Variants in MYH8 observed in about 807,000 individuals in gnomAD.
MYH8 encodes the protein myosin-8.
Under a neutral mutation model 233.2 loss-of-function variants are expected in MYH8, and 168 were observed. The ratio of observed to expected loss-of-function variants is 0.72; its 90% CI spans 0.64 to 0.82. MYH8 has a LOEUF of 0.82. Ranked by LOEUF, MYH8 falls within the 40% of genes least tolerant of loss-of-function variation. The pLI, the probability that MYH8 is intolerant of heterozygous loss-of-function variation, is 0.00. For missense variants in MYH8, 1,995 were observed against 2,327.8 expected (o/e 0.86, Z 2.94); for synonymous variants, 785 against 850.6 (o/e 0.92, Z 1.34).
intron 38 of MYH8, 127 bp from the exon 39 acceptor site, chr17:10,392,104 C>T: frequency 8.8e-6 from 7 of 793,378 alleles, no homozygotes; most frequent in Non-Finnish European, 1.6e-5. Context: ...CTGAGATTTT[C>T]TTCATAGAAT....
chr17:10,412,565 A>G (rs1253634564), intron 13 of MYH8, 45 bp downstream of exon 13: 1 of 1,614,232 alleles, frequency 6.2e-7, no homozygotes, highest in South Asian at 1.1e-5. Flanking sequence ...AAGACATGCC[A>G]TGAAGGCCTG....
At position 10,415,411 on chromosome 17, in the gene MYH8, T is replaced by A; in HGVS notation, c.649-27A>T. The stretch of plus-strand genomic sequence containing the variant: ...TGCAAAGGAAGGAGCAGTTCTCACA[T>A]CTGGGACTCCAGATGTCTGAGAGCC... On this transcript the variant is annotated intron_variant, in intron 7 of 39. Transcript: ENST00000403437. The surrounding 1 kb of genome is among the most constrained non-coding windows in gnomAD (Gnocchi z 4.1). 1.2e-6 allele frequency: 2 copies of A among 1,613,522 alleles called. No individual in the cohort carries two copies. Among genetic ancestry groups the A allele is most frequent in the African/African-American group, 1.3e-5 (1 of 75,042 alleles).
chr17:10,408,936 C>A (rs146346664), intron 17 of MYH8, among the ~76,000 whole-genome samples, 161 bp downstream of exon 17: 3 of 152,144 alleles, frequency 2.0e-5, no homozygotes, highest in African/African-American at 7.2e-5. Context: ...GTAAAGCATC[C>A]GTTCCTACAG....
intron 15 of MYH8, among the ~76,000 whole-genome samples, chr17:10,410,286 G>C (rs1168016115): frequency 2.0e-5 from 3 of 152,212 alleles, no homozygotes; most frequent in Non-Finnish European, 4.4e-5. Context: ...CTGGGCGACA[G>C]AGTGAGGCCC....
At chr17:10,406,552 T>G in intron 19 of MYH8, 138 bp downstream of exon 19, 1 of 1,363,170 alleles carries the variant, frequency 7.3e-7, no homozygotes, top group Non-Finnish European at 1.0e-6. Flanking sequence ...AATATGATTT[T>G]CTGTTGCATG....
chr17:10,406,505 G>T (rs538017638), intron 19 of MYH8, 108 bp from the exon 20 acceptor site: 1 of 1,541,292 alleles, frequency 6.5e-7, no homozygotes, highest in South Asian at 1.1e-5. Flanking sequence ...AATAAAAGTG[G>T]AAAATCCAAC....
intron 33 of MYH8, 32 bp from the exon 34 acceptor site, chr17:10,395,473 G>A (rs1007813995): frequency 1.9e-6 from 3 of 1,607,900 alleles, no homozygotes; most frequent in Non-Finnish European, 2.6e-6. Flanking sequence ...TAATAATGGA[G>A]AAGAACCTGA....
chr17:10,414,469 G>T lies in MYH8; in HGVS notation c.821C>A (p.Ser274Tyr), dbSNP rs755435554. ...CGCCTTTAGCTGGAAAGTAACTCTG[G>T]ACTTTTCTAAAAGATCTGGAGAGGG... ...ADIETYLLEKSRVTFQLKAER... is the reference protein window; with the variant it reads ...ADIETYLLEKYRVTFQLKAER... The change falls in exon 10 of 40, where the codon TCC becomes TAC. Residue 274 changes from serine to tyrosine, a missense_variant. Around this residue, in one of 3 missense-constraint regions of MYH8, gnomAD observed 479 missense variants for 600.9 expected, o/e 0.80. Coordinates refer to ENST00000403437, the MANE Select transcript of MYH8 (RefSeq NM_002472.3). The T allele has an allele frequency of 5.6e-6, 9 of 1,610,236 alleles. No homozygotes were observed. The South Asian group carries it at 6.6e-5, about 12-fold the overall frequency.
In MYH8 at chr17:10,396,935, C is replaced by T; in HGVS notation, c.4230G>A (p.Val1410=). Residue 1410 remains valine, a synonymous_variant, in exon 31 of 40, where the codon GTG becomes GTA. Coordinates refer to ENST00000403437, the MANE Select transcript of MYH8 (RefSeq NM_002472.3). This position sits in a 1 kb window ranked among gnomAD's most constrained non-coding sequence, Gnocchi z 4.2. ...LQEAEEHVEA[V]NAKCASLEKT... ...TCTCAAGGGAAGCACATTTGGCGTT[C>T]ACAGCTTCTACATGTTCCTCAGCTT... 1.2e-6 allele frequency: 2 copies of T among 1,614,246 alleles called. No individual in the cohort carries two copies. The highest frequency in any genetic ancestry group is 1.7e-6 in the Non-Finnish European group (2 of 1,180,052).
Position 10,398,854 on chromosome 17 carries a change from C to A in MYH8, c.3895G>T (p.Ala1299Ser). The A allele has an allele frequency of 1.2e-6, 2 of 1,613,440 alleles. No individual in the cohort carries two copies. The highest frequency in any genetic ancestry group is 8.5e-7 in the Non-Finnish European group (1 of 1,179,988). ...EYSRQLDEKD[A>S]LVSQLSRSKQ... is the part of the protein sequence containing the mutation. ...CTCCTTGAAAGCTGAGAGACTAAAG[C>A]ATCTTTCTCATCTAATTGTCGAGAA... The change falls in exon 29 of 40, where the codon GCT becomes TCT. Residue 1299 changes from alanine to serine, a missense_variant. This residue lies in a region of MYH8 where 1,498 missense variants were observed against 1,680.9 expected (regional missense o/e 0.89). Transcript: ENST00000403437.
Position 10,391,949 on chromosome 17 carries a change from C to T in MYH8, c.5597G>A (p.Arg1866Lys). 5 of 1,614,160 alleles carry T rather than the reference C, an allele frequency of 3.1e-6. No individual in the cohort carries two copies. The highest frequency in any genetic ancestry group is 4.2e-6 in the Non-Finnish European group (5 of 1,180,032). ...TAATTTATCTACCAAGTCCTGCAGC[C>T]TGAGAACATTCTTGCGATCTTCTTC... ...QTEEDRKNVL[R>K]LQDLVDKLQA... is the part of the protein sequence containing the mutation. The change falls in exon 39 of 40, where the codon AGG (arginine) becomes AAG (lysine). Residue 1866 changes from arginine to lysine, a missense_variant. Physicochemically the swap from Arg to Lys is conservative, Grantham distance 26 (BLOSUM62 2). This residue lies in a region of MYH8 where 1,498 missense variants were observed against 1,680.9 expected (regional missense o/e 0.89). Coordinates refer to ENST00000403437, the MANE Select transcript of MYH8 (RefSeq NM_002472.3).
intron 28 of MYH8, 117 bp from the exon 29 acceptor site, chr17:10,399,003 T>TA: frequency 3.5e-6 from 1 of 282,840 alleles, no homozygotes; most frequent in Non-Finnish European, 6.3e-6. Flanking sequence ...TGTATATATA[T>TA]ATATATATAT....
rs774775779 is a variant in MYH8, at chr17:10,396,681, T to C, written c.4400A>G (p.Gln1467Arg). ...SEWKQKYEETQAELEASQKES... is the reference protein window; with the variant it reads ...SEWKQKYEETRAELEASQKES... ...CTTCTGGGAGGCCTCAAGTTCAGCC[T>C]GAGTTTCCTCATACTTCTGCTTCCA... is the stretch of plus-strand genomic sequence containing the variant. Residue 1467 changes from glutamine to arginine, a missense_variant, in exon 32 of 40, where the codon CAG becomes CGG. Physicochemically the swap from Gln to Arg is conservative, Grantham distance 43. Coordinates refer to ENST00000403437, the MANE Select transcript of MYH8 (RefSeq NM_002472.3). This position sits in a 1 kb window ranked among gnomAD's most constrained non-coding sequence, Gnocchi z 4.2. The C allele has an allele frequency of 6.2e-7, 1 of 1,614,246 alleles. No individual in the cohort carries two copies. The highest frequency in any genetic ancestry group is 8.5e-7 in the Non-Finnish European group (1 of 1,180,052).
At position 10,395,405 on chromosome 17, in the gene MYH8, T is replaced by G; in HGVS notation, c.4690A>C (p.Ile1564Leu). 6.2e-7 allele frequency: 1 copy of G among 1,614,164 alleles called. No homozygotes were observed. The change falls in exon 34 of 40, where the codon ATC (isoleucine) becomes CTC (leucine). Residue 1564 changes from isoleucine to leucine, a missense_variant. Ile to Leu is a conservative substitution (Grantham distance 5). This residue lies in a region of MYH8 where 1,498 missense variants were observed against 1,680.9 expected (regional missense o/e 0.89). Coordinates refer to ENST00000403437, the MANE Select transcript of MYH8 (RefSeq NM_002472.3). Reference sequence around the variant, plus strand: ...TTGACTTGGTTTAACTCAAGCTGGATACGCAGAATCTTTCCTTCTTCATGT... The same window carrying G: ...TTGACTTGGTTTAACTCAAGCTGGAGACGCAGAATCTTTCCTTCTTCATGT... The part of the protein sequence containing the change: ...LEHEEGKILR[I>L]QLELNQVKSE...
In MYH8 at chr17:10,392,013, G is replaced by A. The variant is rs780086806; in HGVS notation, c.5569-36C>T. 2.3e-5 allele frequency: 36 copies of A among 1,547,442 alleles called. 1 individual carries two copies. The East Asian group carries it at 2.5e-4, about 11-fold the overall frequency. Reference sequence around the variant, plus strand: ...GAAAAAAATAATCTGCATTCATTCCGAAGAGATAAGGCTACTCTGGGTACT... The same window carrying A: ...GAAAAAAATAATCTGCATTCATTCCAAAGAGATAAGGCTACTCTGGGTACT... On this transcript the variant is annotated intron_variant, in intron 38 of 39. Transcript: ENST00000403437.
chr17:10,398,410 T>C, intron 30 of MYH8, 34 bp downstream of exon 30: 1 of 1,613,948 alleles, frequency 6.2e-7, no homozygotes, highest in Non-Finnish European at 8.5e-7. Flanking sequence ...CAGCTGCTTC[T>C]GGGAGTTCCT....
chr17:10,392,761 G>A (rs530835158), intron 37 of MYH8, 70 bp downstream of exon 37: 13 of 1,614,024 alleles, frequency 8.1e-6, no homozygotes, highest in East Asian at 2.2e-5. Context: ...GGAGTCTTGT[G>A]TAGGAAGAGA....
intron 30 of MYH8, among the ~76,000 whole-genome samples, chr17:10,398,019 T>C (rs2072095623): frequency 6.6e-6 from 1 of 152,300 alleles, no homozygotes; most frequent in South Asian, 2.1e-4. Context: ...TCCGTTTGTC[T>C]ATATGCAGAC....
At chr17:10,412,957 T>C (rs1165127710) in intron 12 of MYH8, among the ~76,000 whole-genome samples, 1 of 152,246 alleles carries the variant, frequency 6.6e-6, no homozygotes, top group South Asian at 2.1e-4. Flanking sequence ...AAATTTTTCA[T>C]CAACTGTAAA....
Sources: allele counts gnomAD v4.1 joint callset (sites outside exome capture counted in the v4.1 genomes callset), GRCh38; gene constraint gnomAD v4.1.1; regional missense constraint gnomAD v4.1.1; non-coding constraint Gnocchi (gnomAD v3.1); transcripts MANE v1.5; gene names NCBI Gene and HGNC (gene_info 2026-07-23, HGNC 2026-07-21).